The following MID1 variants were observed in gnomAD, a reference collection of about 807,000 sequenced individuals.
MID1 encodes the protein midline 1, also known as E3 ubiquitin-protein ligase Midline-1.
In MID1, 7 loss-of-function variants were observed where a neutral mutation model predicts 40.4. The ratio of observed to expected loss-of-function variants is 0.17; its 90% CI spans 0.10 to 0.33. MID1 has a LOEUF of 0.33. Among genes scored for constraint, MID1 ranks in the 10% least tolerant of loss-of-function variants. The pLI, the probability that MID1 is intolerant of heterozygous loss-of-function variation, is 1.00. For missense variants in MID1, 367 were observed against 558.5 expected, an observed-to-expected ratio of 0.66 and a Z score of 3.46; for synonymous variants, 229 against 221.2, an observed-to-expected ratio of 1.04 and a Z score of -0.31.
intron 1 of MID1, among the ~76,000 whole-genome samples, chrX:10,720,882 G>A (rs1468717367): frequency 9.1e-6 from 1 of 109,924 alleles, no homozygotes; most frequent in African/African-American, 3.3e-5. Flanking sequence ...AAAATGATGA[G>A]TTCATGTCCT....
chrX:10,529,694 C>T (rs1306949746), intron 2 of MID1, among the ~76,000 whole-genome samples: 3 of 111,614 alleles, frequency 2.7e-5, no homozygotes, highest in East Asian at 2.8e-4. Flanking sequence ...TGAGCATGGG[C>T]GCAGTCTCTT....
chrX:10,804,982 G>A (rs1047289404), intron 1 of MID1, among the ~76,000 whole-genome samples: 1 of 111,015 alleles, frequency 9.0e-6, no homozygotes, highest in Admixed American at 9.6e-5. Context: ...CCTTGTGGGG[G>A]GAATCCTAGA....
intron 1 of MID1, among the ~76,000 whole-genome samples, chrX:10,823,848 T>A (rs1357168557): frequency 1.8e-5 from 2 of 111,603 alleles, no homozygotes; most frequent in African/African-American, 6.5e-5. Context: ...TATTTTGGAA[T>A]ATAGCAATAT....
intron 1 of MID1, among the ~76,000 whole-genome samples, chrX:10,619,376 A>G (rs1935894558): frequency 1.8e-5 from 2 of 111,908 alleles, no homozygotes; most frequent in South Asian, 7.3e-4. Flanking sequence ...TAAAAGCAAT[A>G]GCATTCCTCT....
At chrX:10,781,655 T>C (rs1283309917) in intron 1 of MID1, among the ~76,000 whole-genome samples, 2 of 112,084 alleles carry the variant, frequency 1.8e-5, no homozygotes, top group Non-Finnish European at 3.8e-5. Flanking sequence ...CTTCCATCAC[T>C]ACACCTCTAC....
At chrX:10,697,327 A>T (rs1412723400) in intron 1 of MID1, among the ~76,000 whole-genome samples, 2 of 111,847 alleles carry the variant, frequency 1.8e-5, no homozygotes, top group Non-Finnish European at 3.8e-5. Context: ...ACTGGATCTC[A>T]GAATGCCTCA....
chrX:10,676,542 C>G (rs1361067544), intron 1 of MID1, among the ~76,000 whole-genome samples: 2 of 112,076 alleles, frequency 1.8e-5, no homozygotes, highest in Non-Finnish European at 3.8e-5. Context: ...GGCCAGGCAA[C>G]TGGGTCTCAG....
At chrX:10,704,765 C>CACACACACACACAG (rs781699598) in intron 1 of MID1, among the ~76,000 whole-genome samples, 84 of 91,584 alleles carry the variant, frequency 9.2e-4, no homozygotes, top group African/African-American at 1.5e-3. Flanking sequence ...CACACACACA[C>CACACACACACACAG]AGAGAGAGAG....
intron 7 of MID1, among the ~76,000 whole-genome samples, chrX:10,463,436 G>C (rs1451226011): frequency 8.9e-6 from 1 of 111,776 alleles, no homozygotes; most frequent in Non-Finnish European, 1.9e-5. Flanking sequence ...ATTTTCAGTA[G>C]AGTTTTACCA....
chrX:10,771,329 C>A (rs2043767137), intron 1 of MID1, among the ~76,000 whole-genome samples: 1 of 110,716 alleles, frequency 9.0e-6, no homozygotes, highest in Non-Finnish European at 1.9e-5. Context: ...GCAGAAGAAT[C>A]CTAAAAATGC....
At chrX:10,531,547 T>A (rs1039410648) in intron 2 of MID1, among the ~76,000 whole-genome samples, 4 of 112,326 alleles carry the variant, frequency 3.6e-5, no homozygotes, top group Non-Finnish European at 7.5e-5. Flanking sequence ...AGTGTTTACC[T>A]TGTCAGGTTT....
chrX:10,492,711 CT>C (rs761932862), intron 4 of MID1, among the ~76,000 whole-genome samples: 2 of 112,344 alleles, frequency 1.8e-5, no homozygotes, highest in Non-Finnish European at 3.8e-5. Flanking sequence ...CTACTTTGGC[CT>C]CTTCCAGACC....
chrX:10,553,801 C>T (rs1934018812), intron 2 of MID1, among the ~76,000 whole-genome samples: 1 of 111,729 alleles, frequency 9.0e-6, no homozygotes, highest in African/African-American at 3.3e-5. Context: ...CTAGCTCATC[C>T]TCAATCATAG....
chrX:10,538,140 T>C (rs1415937663), intron 2 of MID1, among the ~76,000 whole-genome samples: 1 of 110,824 alleles, frequency 9.0e-6, no homozygotes, highest in East Asian at 2.8e-4. Flanking sequence ...GCCAGTCTGA[T>C]TTTTGCATTT....
At chrX:10,565,984 AT>A (rs777504642) in intron 2 of MID1, among the ~76,000 whole-genome samples, 2 of 109,981 alleles carry the variant, frequency 1.8e-5, no homozygotes, top group South Asian at 7.9e-4. Flanking sequence ...TAATTTTTTT[AT>A]TTTTAGTAGA....
chrX:10,636,785 GATATATATATATATATATAT>G (rs60188235), intron 1 of MID1, among the ~76,000 whole-genome samples: 1 of 42,719 alleles, frequency 2.3e-5, no homozygotes, highest in Non-Finnish European at 4.0e-5. Context: ...CAACAATGGG[GATATATATATATATATATAT>G]ATATATATAT....
chrX:10,825,700 G>A (rs140953260), intron 1 of MID1, among the ~76,000 whole-genome samples: 1 of 111,270 alleles, frequency 9.0e-6, no homozygotes, highest in East Asian at 2.8e-4. Flanking sequence ...GAAAGAATTC[G>A]CCAGACAACT....
At chrX:10,698,501 G>A (rs2043174842) in intron 1 of MID1, among the ~76,000 whole-genome samples, 1 of 110,825 alleles carries the variant, frequency 9.0e-6, no homozygotes, top group Non-Finnish European at 1.9e-5. Flanking sequence ...GAATCTATAT[G>A]GGCATGCTAT....
rs968070858 is a variant in MID1 at position 10,509,078 on chromosome X, G to A, written c.757-13387C>T. On this transcript the variant is annotated intron_variant, in intron 3 of 9. Coordinates refer to ENST00000317552, the MANE Select transcript of MID1 (RefSeq NM_000381.4). ...TGAAATGGTAGTGGGGCTGGTAAAA[G>A]TTACAATGGCAGTAGAAGGGCAGGC... 3.6e-5 allele frequency among the ~76,000 whole-genome samples: 4 copies of A among 111,684 alleles called. No homozygotes were observed. In the Admixed American group the frequency reaches 3.8e-4, roughly 11 times the overall value.
Sources: allele counts gnomAD v4.1 joint callset (sites outside exome capture counted in the v4.1 genomes callset), GRCh38; gene constraint gnomAD v4.1.1; transcripts MANE v1.5; gene names NCBI Gene and HGNC (gene_info 2026-07-23, HGNC 2026-07-21).